SLCO3A1: variants seen among roughly 807,000 people sequenced by gnomAD.
SLCO3A1 encodes the protein PGE1 transporter.
Under a neutral mutation model 63.1 loss-of-function variants are expected in SLCO3A1, and 27 were observed. The observed-to-expected ratio is 0.43, with a 90% CI of 0.32 to 0.59. The LOEUF is 0.59. SLCO3A1 is among the 20% of genes least tolerant of loss of function. SLCO3A1 has a pLI of 0.09. For synonymous variants in SLCO3A1, 473 were observed against 409.9 expected, an observed-to-expected ratio of 1.15 and a Z score of -1.86; for missense variants, 773 against 945.8, an observed-to-expected ratio of 0.82 and a Z score of 2.40.
chr15:92,015,141 C>T, intron 2 of SLCO3A1, among the ~76,000 whole-genome samples: 1 of 152,202 alleles, frequency 6.6e-6, no homozygotes, highest in East Asian at 1.9e-4. Context: ...AAGGTCCATC[C>T]TTGGGGGCTT....
Position 92,104,419 on chromosome 15 carries a change from GC to G in SLCO3A1, c.888del (p.Met297TrpfsTer23). 1 of 1,614,074 alleles carries G rather than the reference GC, an allele frequency of 6.2e-7. No homozygotes were observed. Among genetic ancestry groups the G allele is most frequent in the Non-Finnish European group, 8.5e-7 (1 of 1,180,016 alleles). On this transcript the variant is annotated frameshift_variant, in exon 4 of 10. Transcript: ENST00000318445. LOFTEE classifies it high-confidence loss of function. The part of the protein sequence containing the change: ...PQSLPPHSEP[A>X]MESEQAMLSE... ...GTCCCTGCCCCCGCACTCAGAGCCC[GC>G]CATGGAAAGCGAGCAGGCCATGCTC...
At chr15:91,915,493 A>C (rs1898623834) in intron 1 of SLCO3A1, among the ~76,000 whole-genome samples, 1 of 152,156 alleles carries the variant, frequency 6.6e-6, no homozygotes, top group Non-Finnish European at 1.5e-5. Context: ...GCATTTTGCC[A>C]CTTGGGTTTT....
intron 2 of SLCO3A1, among the ~76,000 whole-genome samples, chr15:92,025,742 G>C (rs2046566117): frequency 6.6e-6 from 1 of 152,144 alleles, no homozygotes; most frequent in African/African-American, 2.4e-5. Context: ...TCTCTTCTCA[G>C]TCAGCAAAGG....
intron 2 of SLCO3A1, among the ~76,000 whole-genome samples, chr15:92,078,966 G>A (rs1361214064): frequency 2.6e-5 from 4 of 152,124 alleles, no homozygotes; most frequent in African/African-American, 4.8e-5. Flanking sequence ...TCGAGCTTGC[G>A]CCCTGTGAGA....
chr15:92,142,841 G>T (rs1448971899), intron 7 of SLCO3A1, among the ~76,000 whole-genome samples: 1 of 152,124 alleles, frequency 6.6e-6, no homozygotes, highest in African/African-American at 2.4e-5. Flanking sequence ...ACTTTTTAGG[G>T]CAGAGAGAGG....
chr15:92,052,139 T>A (rs1464596899), intron 2 of SLCO3A1, among the ~76,000 whole-genome samples: 1 of 152,022 alleles, frequency 6.6e-6, no homozygotes. Context: ...AGCTGCTGAG[T>A]GTGCACAGAA....
At chr15:92,111,539 G>A (rs758005321) in intron 4 of SLCO3A1, among the ~76,000 whole-genome samples, 1 of 152,142 alleles carries the variant, frequency 6.6e-6, no homozygotes, top group African/African-American at 2.4e-5. Context: ...TTTACATTCT[G>A]CCATGTCACA....
At chr15:91,976,402 G>C (rs1901111750) in intron 2 of SLCO3A1, among the ~76,000 whole-genome samples, 1 of 151,964 alleles carries the variant, frequency 6.6e-6, no homozygotes, top group Non-Finnish European at 1.5e-5. Context: ...TTTTAACATA[G>C]TAGAAAATGT....
At chr15:92,011,905 T>C (rs571292829) in intron 2 of SLCO3A1, among the ~76,000 whole-genome samples, 12 of 152,330 alleles carry the variant, frequency 7.9e-5, no homozygotes, top group African/African-American at 2.2e-4. Flanking sequence ...TTTGCTGTGT[T>C]ATTTGGAATG....
rs1264652872 is a variant in SLCO3A1, at chr15:91,912,868, G to T, written c.181-3125G>T. On this transcript the variant is annotated intron_variant, in intron 1 of 9. Transcript: ENST00000318445. The surrounding 1 kb of genome is among the most constrained non-coding windows in gnomAD (Gnocchi z 5.0). ...TGGACCTCTCAAGACTCACACAAAG[G>T]CCTGGGCGAGGCTCCCCAAAGCCCC... Among the ~76,000 whole-genome samples, 1 of 152,026 alleles carries T rather than the reference G, an allele frequency of 6.6e-6. No individual in the cohort carries two copies. Among genetic ancestry groups the T allele is most frequent in the Admixed American group, 6.5e-5 (1 of 15,270 alleles).
At chr15:91,898,786 G>GA (rs1232313956) in intron 1 of SLCO3A1, among the ~76,000 whole-genome samples, 1 of 152,084 alleles carries the variant, frequency 6.6e-6, no homozygotes, top group Non-Finnish European at 1.5e-5. Context: ...TGAATATATA[G>GA]AGAGATTTAC....
At chr15:92,126,671 G>A (rs551131589) in intron 6 of SLCO3A1, among the ~76,000 whole-genome samples, 104 of 152,256 alleles carry the variant, frequency 6.8e-4, no homozygotes, top group Non-Finnish European at 1.1e-3. Context: ...ACAGGATCTG[G>A]CCCATGGCAG....
chr15:91,986,170 A>G (rs959023709), intron 2 of SLCO3A1, among the ~76,000 whole-genome samples: 3 of 152,160 alleles, frequency 2.0e-5, no homozygotes, highest in Non-Finnish European at 2.9e-5. Flanking sequence ...GCTAGCCACC[A>G]TGCTCGGCCT....
intron 2 of SLCO3A1, among the ~76,000 whole-genome samples, chr15:91,987,280 G>A (rs915753148): frequency 6.6e-6 from 1 of 152,124 alleles, no homozygotes; most frequent in African/African-American, 2.4e-5. Flanking sequence ...CTAGAGCCTA[G>A]TGTTCAGTAG....
intron 9 of SLCO3A1, 112 bp downstream of exon 9, chr15:92,151,126 T>A (rs1265210035): frequency 1.3e-6 from 1 of 785,176 alleles, no homozygotes; most frequent in Non-Finnish European, 2.0e-6. Context: ...TTCTTTGCAG[T>A]TTAATTATTA....
At chr15:91,958,387 G>A (rs1597157848) in intron 2 of SLCO3A1, among the ~76,000 whole-genome samples, 2 of 152,292 alleles carry the variant, frequency 1.3e-5, no homozygotes, top group East Asian at 3.9e-4. Context: ...CAGCATTTCT[G>A]CATTTGATGT....
At chr15:91,953,163 A>G (rs913542302) in intron 2 of SLCO3A1, among the ~76,000 whole-genome samples, 1 of 152,218 alleles carries the variant, frequency 6.6e-6, no homozygotes, top group Non-Finnish European at 1.5e-5. Flanking sequence ...TGCAGAGGAA[A>G]CATCTATATA....
intron 1 of SLCO3A1, among the ~76,000 whole-genome samples, chr15:91,855,769 G>T (rs1896901945): frequency 6.6e-6 from 1 of 152,148 alleles, no homozygotes; most frequent in Non-Finnish European, 1.5e-5. Context: ...TCTGTACTGT[G>T]ACATATGCAA....
chr15:91,870,186 G>T (rs368509299), intron 1 of SLCO3A1, among the ~76,000 whole-genome samples: 41 of 152,278 alleles, frequency 2.7e-4, no homozygotes, highest in African/African-American at 9.6e-4. Flanking sequence ...AGAATTTCTT[G>T]TTATTATTAG....
Sources: allele counts gnomAD v4.1 joint callset (sites outside exome capture counted in the v4.1 genomes callset), GRCh38; gene constraint gnomAD v4.1.1; non-coding constraint Gnocchi (gnomAD v3.1); transcripts MANE v1.5; gene names NCBI Gene and HGNC (gene_info 2026-07-23, HGNC 2026-07-21).